The following ARHGEF7 variants were observed in gnomAD, a reference collection of about 807,000 sequenced individuals.
The protein encoded by ARHGEF7 is PAK-interacting exchange factor beta.
ARHGEF7 carries 33 observed loss-of-function variants against 109.8 expected under a neutral mutation model. The observed-to-expected ratio is 0.30, with a 90% CI of 0.23 to 0.40. The LOEUF (loss-of-function observed/expected upper bound fraction) is 0.40, where lower values mean the gene tolerates loss of function less well. Ranked by LOEUF, ARHGEF7 falls within the 10% of genes least tolerant of loss-of-function variation. The pLI is 1.00. For missense variants in ARHGEF7, 938 were observed against 1,098.5 expected (o/e 0.85, Z 2.07); for synonymous variants, 458 against 424.6 (o/e 1.08, Z -0.97).
At chr13:111,293,324 G>T in intron 19 of ARHGEF7, 1 of 985,154 alleles carries the variant, frequency 1.0e-6, no homozygotes, top group Non-Finnish European at 1.2e-6. Context: ...GCAACCAGCT[G>T]CAGTGAAACT....
At chr13:111,234,631 T>A (rs986306139) in intron 6 of ARHGEF7, among the ~76,000 whole-genome samples, 5 of 152,236 alleles carry the variant, frequency 3.3e-5, no homozygotes, top group African/African-American at 1.2e-4. Flanking sequence ...CCACTTCTCT[T>A]ACATTAGTGG....
intron 1 of ARHGEF7, among the ~76,000 whole-genome samples, chr13:111,123,540 T>G (rs879637632): frequency 6.6e-5 from 10 of 152,210 alleles, no homozygotes; most frequent in Non-Finnish European, 1.5e-4. Context: ...CCGATATATG[T>G]AAATACAGTC....
intron 4 of ARHGEF7, 152 bp downstream of exon 4, chr13:111,210,154 G>A (rs969600330): frequency 3.1e-6 from 3 of 980,618 alleles, no homozygotes; most frequent in Non-Finnish European, 4.5e-6. Context: ...AATCTGGTTT[G>A]GCATTTGCTC....
In ARHGEF7 at chr13:111,233,232, C is replaced by T; in HGVS notation, c.698C>T (p.Thr233Ile). Reference protein sequence around the residue: ...SEKPVSPKSGTLKSPPKGFDT... With the variant: ...SEKPVSPKSGILKSPPKGFDT... Reference sequence around the variant, plus strand: ...AAGCCTGTGTCTCCCAAATCAGGAACACTGAAGAGCCCTCCCAAAGGATTT... The same window carrying T: ...AAGCCTGTGTCTCCCAAATCAGGAATACTGAAGAGCCCTCCCAAAGGATTT... Residue 233 changes from threonine (T) to isoleucine (I), a missense_variant, in exon 6 of 22, where the codon ACA (threonine) becomes ATA (isoleucine). Thr to Ile is a moderately conservative substitution (Grantham distance 89). Transcript: ENST00000646102. 1 of 1,614,074 alleles carries T rather than the reference C, an allele frequency of 6.2e-7. No homozygotes were observed.
chr13:111,153,974 G>C lies in ARHGEF7; in HGVS notation c.235G>C (p.Ala79Pro). 6.2e-7 allele frequency: 1 copy of C among 1,603,000 alleles called. No homozygotes were observed. Among genetic ancestry groups the C allele is most frequent in the Non-Finnish European group, 8.5e-7 (1 of 1,176,714 alleles). The change falls in exon 2 of 22, where the codon GCT (alanine) becomes CCT (proline). Residue 79 changes from alanine (A) to proline (P), a missense_variant. Ala to Pro is a conservative substitution (Grantham distance 27). Coordinates refer to ENST00000646102, the MANE Select transcript of ARHGEF7 (RefSeq NM_001354046.2). ...CCGCGAGTTCCTGCGCGGCTGCGGG[G>C]CTTCCCTGCGGCTGGAGGTGAGCGC... Reference protein sequence around the residue: ...NIREFLRGCGASLRLETFDAN... With the variant: ...NIREFLRGCGPSLRLETFDAN...
chr13:111,158,736 T>C (rs931331368), intron 2 of ARHGEF7, among the ~76,000 whole-genome samples: 3 of 152,244 alleles, frequency 2.0e-5, no homozygotes, highest in Admixed American at 6.5e-5. Flanking sequence ...TATATTTTGT[T>C]TTTAAATTGA....
chr13:111,225,540 A>G (rs1268554602), intron 5 of ARHGEF7, among the ~76,000 whole-genome samples: 2 of 151,232 alleles, frequency 1.3e-5, no homozygotes, highest in Non-Finnish European at 2.9e-5. Context: ...TACAAATGGA[A>G]GGCTTGTGGC....
At chr13:111,277,727 C>G (rs1002071543) in intron 13 of ARHGEF7, 54 bp downstream of exon 13, 3 of 1,283,742 alleles carry the variant, frequency 2.3e-6, no homozygotes, top group Non-Finnish European at 3.4e-6. Flanking sequence ...TAATTTCAAA[C>G]TGGCTTTGAA....
intron 2 of ARHGEF7, among the ~76,000 whole-genome samples, chr13:111,195,133 G>A (rs1188693291): frequency 1.3e-5 from 2 of 152,142 alleles, no homozygotes; most frequent in Non-Finnish European, 2.9e-5. Context: ...AGGCCTTAAG[G>A]GATATTGCCT....
intron 2 of ARHGEF7, among the ~76,000 whole-genome samples, chr13:111,191,910 G>A (rs544595171): frequency 6.6e-6 from 1 of 152,286 alleles, no homozygotes; most frequent in African/African-American, 2.4e-5. Flanking sequence ...GTAGTATATA[G>A]CCCTATCACA....
chr13:111,135,418 C>A (rs1424183798), intron 1 of ARHGEF7, among the ~76,000 whole-genome samples: 1 of 152,192 alleles, frequency 6.6e-6, no homozygotes, highest in East Asian at 1.9e-4. Context: ...AATATTGATT[C>A]TTCCTACCCA....
At chr13:111,205,475 A>G (rs1450168608) in intron 3 of ARHGEF7, 102 bp downstream of exon 3, 4 of 724,688 alleles carry the variant, frequency 5.5e-6, no homozygotes, top group African/African-American at 5.5e-5. Context: ...TACTGAATTT[A>G]AAAAATAAGC....
At chr13:111,296,743 AAGTG>A (rs1172979464) in intron 19 of ARHGEF7, among the ~76,000 whole-genome samples, 5 of 152,348 alleles carry the variant, frequency 3.3e-5, no homozygotes, top group East Asian at 1.9e-4. Flanking sequence ...AATGAAAGTT[AAGTG>A]AGTATTTTTA....
chr13:111,254,535 T>C (rs893943600), intron 8 of ARHGEF7, among the ~76,000 whole-genome samples: 15 of 132,252 alleles, frequency 1.1e-4, no homozygotes, highest in South Asian at 2.6e-4. Flanking sequence ...AAGGCCGGGC[T>C]CAGAAGAGGA....
chr13:111,217,671 C>A lies in ARHGEF7; in HGVS notation c.469-8C>A. On this transcript the variant is annotated splice_region_variant and splice_polypyrimidine_tract_variant and intron_variant, in intron 4 of 21. Transcript: ENST00000646102. ...ATAATTTTTCTCCCACTCTTCTTCC[C>A]CTTTTAGGACATGACCGATAATAGC... 2 of 1,612,416 alleles carry A rather than the reference C, an allele frequency of 1.2e-6. No homozygotes were observed. The highest frequency in any genetic ancestry group is 1.7e-6 in the Non-Finnish European group (2 of 1,178,446).
intron 6 of ARHGEF7, among the ~76,000 whole-genome samples, chr13:111,235,911 G>A (rs112093438): frequency 2.0e-5 from 3 of 152,162 alleles, no homozygotes; most frequent in African/African-American, 7.2e-5. Flanking sequence ...ATGGTGTTAA[G>A]GAAATTTACA....
At position 111,115,700 on chromosome 13, in the gene ARHGEF7, C is replaced by G. The variant is rs1389850480; in HGVS notation, c.165+9C>G. On this transcript the variant is annotated intron_variant, in intron 1 of 21. Transcript: ENST00000646102. ...CCGGGACCATCGAGAAAGTAAGTCC[C>G]GGCCCGCGCCCCCGCCCGCGCCCCC... is the stretch of plus-strand genomic sequence containing the variant. 6.8e-6 allele frequency: 8 copies of G among 1,177,370 alleles called. No homozygotes were observed. The Admixed American group carries it at 2.2e-4, about 32-fold the overall frequency. The allele number at this position is 1,177,370 out of a possible 1,614,324, so 72.9% of individuals were successfully genotyped here.
intron 1 of ARHGEF7, among the ~76,000 whole-genome samples, chr13:111,123,041 C>T (rs539333749): frequency 7.2e-5 from 11 of 152,354 alleles, no homozygotes; most frequent in African/African-American, 2.6e-4. Context: ...GGCCCCAATT[C>T]TCCAACCCTC....
At chr13:111,117,269 A>G (rs2066858491) in intron 1 of ARHGEF7, among the ~76,000 whole-genome samples, 1 of 152,178 alleles carries the variant, frequency 6.6e-6, no homozygotes, top group Non-Finnish European at 1.5e-5. Context: ...TTCAATAATC[A>G]TTTTCTTTTA....
Sources: gnomAD v4.1 joint callset for allele counts (sites outside exome capture counted in the v4.1 genomes callset) on GRCh38, gnomAD v4.1.1 for gene constraint, MANE v1.5 for transcripts, NCBI Gene and HGNC (gene_info 2026-07-23, HGNC 2026-07-21) for gene names.